ACTR3B: variants seen among roughly 807,000 people sequenced by gnomAD.
The protein encoded by ACTR3B is actin-related protein 3B.
A neutral mutation model predicts 59.0 loss-of-function variants in ACTR3B; 8 were observed. The observed-to-expected ratio is 0.14, with a 90% CI of 0.08 to 0.24. The LOEUF (loss-of-function observed/expected upper bound fraction) is 0.24. ACTR3B is among the 10% of genes least tolerant of loss of function. The probability of loss-of-function intolerance (pLI) is 1.00; values close to 1 mark genes in which losing one functional copy is unlikely to be tolerated. For missense variants in ACTR3B, 245 were observed against 552.3 expected (o/e 0.44, Z 5.58); for synonymous variants, 148 against 197.9 (o/e 0.75, Z 2.12).
intron 1 of ACTR3B, among the ~76,000 whole-genome samples, chr7:152,760,839 C>A (rs538769429): frequency 6.6e-6 from 1 of 152,154 alleles, no homozygotes; most frequent in Admixed American, 6.5e-5. Context: ...ACAAGCTTGC[C>A]TGCCTGCGTT....
chr7:152,816,769 G>A lies in ACTR3B; in HGVS notation c.540+181G>A, dbSNP rs534681854. On this transcript the variant is annotated intron_variant, in intron 6 of 11. Transcript: ENST00000256001. Reference sequence around the variant, plus strand: ...CACCTTATATAAAGGAATTCCCCAAGTATGTGGGAAAGAATGAAAAGGATG... The same window carrying A: ...CACCTTATATAAAGGAATTCCCCAAATATGTGGGAAAGAATGAAAAGGATG... 22 of 471,048 alleles carry A rather than the reference G, an allele frequency of 4.7e-5. 1 individual carries two copies. The highest frequency in any genetic ancestry group is 7.4e-5 in the Non-Finnish European group (21 of 284,188). 29.2% of individuals were successfully genotyped at this position (471,048 alleles called of 1,614,324 possible).
chr7:152,807,706 A>G (rs2098256595), intron 4 of ACTR3B, among the ~76,000 whole-genome samples: 1 of 152,126 alleles, frequency 6.6e-6, no homozygotes, highest in Admixed American at 6.5e-5. Flanking sequence ...TATGCTTTAC[A>G]TTTGCATTTT....
chr7:152,805,766 ACCT>A (rs1313265778), intron 4 of ACTR3B, among the ~76,000 whole-genome samples: 7 of 151,922 alleles, frequency 4.6e-5, no homozygotes, highest in African/African-American at 1.7e-4. Context: ...TTGCTAAGTC[ACCT>A]CCTGCACGTA....
chr7:152,814,639 A>G lies in ACTR3B; in HGVS notation c.426A>G (p.Ala142=). ...TTAACGTACCAGGACTCTACATTGC[A>G]GTTCAGGTAAAACCAGTTACGTTTG... The part of the protein sequence containing the change: ...ESFNVPGLYI[A]VQAVLALAAS... The change falls in exon 5 of 12, where the codon GCA becomes GCG. Residue 142 remains alanine, a synonymous_variant. Coordinates refer to ENST00000256001, the MANE Select transcript of ACTR3B (RefSeq NM_020445.6). 1 of 1,612,620 alleles carries G rather than the reference A, an allele frequency of 6.2e-7. No homozygotes were observed. The highest frequency in any genetic ancestry group is 8.5e-7 in the Non-Finnish European group (1 of 1,178,766).
intron 9 of ACTR3B, among the ~76,000 whole-genome samples, chr7:152,828,173 T>C (rs1472469868): frequency 6.6e-6 from 1 of 152,216 alleles, no homozygotes; most frequent in Admixed American, 6.5e-5. Context: ...GATAATTATC[T>C]GCGGACCCTC....
At chr7:152,763,686 A>G (rs1225517060) in intron 1 of ACTR3B, among the ~76,000 whole-genome samples, 2 of 152,198 alleles carry the variant, frequency 1.3e-5, no homozygotes, top group African/African-American at 2.4e-5. Flanking sequence ...GGCCTCCCAA[A>G]GTGCTGTGAT....
chr7:152,832,461 C>G (rs1797106613), intron 9 of ACTR3B, among the ~76,000 whole-genome samples: 1 of 152,138 alleles, frequency 6.6e-6, no homozygotes, highest in Non-Finnish European at 1.5e-5. Context: ...AAAGGTCAGG[C>G]TTTTAAGGAT....
intron 2 of ACTR3B, among the ~76,000 whole-genome samples, chr7:152,800,024 A>G (rs2098229766): frequency 6.6e-6 from 1 of 152,208 alleles, no homozygotes. Flanking sequence ...ATAACATTCT[A>G]ATTTATCCTT....
rs553156453 is a variant in ACTR3B, at chr7:152,777,388, T to C, written c.45-5799T>C. On this transcript the variant is annotated intron_variant, in intron 1 of 11. Transcript: ENST00000256001. ...ATGTCTCTGTTTGTCTGCTTGTATG[T>C]AGAGAGTTTATTTAAAGAGCAATAT... Among the ~76,000 whole-genome samples the C allele has an allele frequency of 4.5e-4, 69 of 152,320 alleles. 1 individual carries two copies. The highest frequency in any genetic ancestry group is 1.6e-3 in the African/African-American group (68 of 41,574).
chr7:152,833,238 G>C (rs1333696220), intron 9 of ACTR3B, among the ~76,000 whole-genome samples: 1 of 152,234 alleles, frequency 6.6e-6, no homozygotes, highest in Non-Finnish European at 1.5e-5. Context: ...GCCATTAATT[G>C]TTATGTCCCT....
At chr7:152,785,451 A>AGGGGGGGGG (rs2098169884) in intron 2 of ACTR3B, among the ~76,000 whole-genome samples, 1 of 802 alleles carries the variant, frequency 1.2e-3, no homozygotes, top group Non-Finnish European at 2.5e-3. Context: ...GGGAGGGGGG[A>AGGGGGGGGG]GAGGGGGGAG....
chr7:152,759,965 C>A, intron 1 of ACTR3B, 39 bp downstream of exon 1: 2 of 1,327,914 alleles, frequency 1.5e-6, no homozygotes, highest in Non-Finnish European at 1.9e-6. Context: ...TCCTCCGCGG[C>A]CCCGCTCCCG....
At chr7:152,821,697 G>T (rs1471775245) in intron 7 of ACTR3B, among the ~76,000 whole-genome samples, 4 of 152,194 alleles carry the variant, frequency 2.6e-5, no homozygotes, top group African/African-American at 7.2e-5. Flanking sequence ...TCTCCCCCCT[G>T]TGAAGGCTGG....
chr7:152,834,116 T>C (rs1797248200), intron 9 of ACTR3B, among the ~76,000 whole-genome samples: 1 of 151,282 alleles, frequency 6.6e-6, no homozygotes, highest in South Asian at 2.1e-4. Context: ...AAAAACACTT[T>C]TACAAAGGAG....
At chr7:152,796,970 G>A (rs2098219570) in intron 2 of ACTR3B, among the ~76,000 whole-genome samples, 1 of 133,922 alleles carries the variant, frequency 7.5e-6, no homozygotes, top group Non-Finnish European at 1.5e-5. Context: ...TGCCTGTCTC[G>A]ACCACCCAAA....
chr7:152,769,148 TG>T (rs896839649), intron 1 of ACTR3B, among the ~76,000 whole-genome samples: 1 of 151,962 alleles, frequency 6.6e-6, no homozygotes, highest in African/African-American at 2.4e-5. Context: ...CCACCATGTC[TG>T]GGCTCACATT....
At chr7:152,842,750 G>A (rs934008942) in intron 9 of ACTR3B, among the ~76,000 whole-genome samples, 1 of 152,228 alleles carries the variant, frequency 6.6e-6, no homozygotes, top group African/African-American at 2.4e-5. Flanking sequence ...CATTGGAAAT[G>A]TACTGAGTGT....
chr7:152,804,729 T>A (rs112987224), intron 4 of ACTR3B, among the ~76,000 whole-genome samples: 69 of 152,336 alleles, frequency 4.5e-4, no homozygotes, highest in African/African-American at 1.6e-3. Context: ...GAATATGGAT[T>A]TTCCCTCAGC....
intron 4 of ACTR3B, among the ~76,000 whole-genome samples, chr7:152,809,603 A>G (rs1317813651): frequency 6.6e-6 from 1 of 150,740 alleles, no homozygotes; most frequent in Non-Finnish European, 1.5e-5. Context: ...GTGCAGTGGC[A>G]CGATCTCAGC....
Sources: gnomAD v4.1 joint callset for allele counts (sites outside exome capture counted in the v4.1 genomes callset) on GRCh38, gnomAD v4.1.1 for gene constraint, MANE v1.5 for transcripts, NCBI Gene and HGNC (gene_info 2026-07-23, HGNC 2026-07-21) for gene names.